HPSE2: variants seen among roughly 807,000 people sequenced by gnomAD.
HPSE2 encodes the protein inactive heparanase-2.
HPSE2 carries 38 observed loss-of-function variants against 60.5 expected under a neutral mutation model. The observed-to-expected ratio is 0.63, with a 90% CI of 0.48 to 0.82. The LOEUF (loss-of-function observed/expected upper bound fraction) is 0.82. Among genes scored for constraint, HPSE2 ranks in the 40% least tolerant of loss-of-function variants. The pLI, the probability that HPSE2 is intolerant of heterozygous loss-of-function variation, is 0.00. For synonymous variants in HPSE2, 295 were observed against 293.2 expected (o/e 1.01, Z -0.06); for missense variants, 713 against 740.4 (o/e 0.96, Z 0.43).
At chr10:98,882,716 T>C (rs1590004615) in intron 3 of HPSE2, among the ~76,000 whole-genome samples, 1 of 152,210 alleles carries the variant, frequency 6.6e-6, no homozygotes, top group Middle Eastern at 3.4e-3. Context: ...CCCAGCATAG[T>C]GGCAAAGAGG....
At chr10:99,235,488 T>A (rs1418495780) in intron 1 of HPSE2, 25 bp downstream of exon 1, 3 of 1,613,196 alleles carry the variant, frequency 1.9e-6, no homozygotes. Flanking sequence ...AAATTTTAAA[T>A]GATCCATCGA....
intron 2 of HPSE2, among the ~76,000 whole-genome samples, chr10:99,160,741 T>C (rs1426622861): frequency 6.7e-6 from 1 of 149,866 alleles, no homozygotes; most frequent in Non-Finnish European, 1.5e-5. Flanking sequence ...CTACTAAAAA[T>C]ACAAAAAATT....
intron 3 of HPSE2, among the ~76,000 whole-genome samples, chr10:99,065,234 A>G (rs541413637): frequency 1.3e-5 from 2 of 152,230 alleles, no homozygotes; most frequent in South Asian, 4.2e-4. Flanking sequence ...ATCATGAAAA[A>G]CTGTGTTAAG....
In HPSE2 at chr10:99,082,608, A is replaced by G. The variant is rs545427040; in HGVS notation, c.610+61630T>C. Reference sequence around the variant, plus strand: ...AAATGTCAACAGAAAAAGTAGAAGAAAGAGAAATTTTTCACTAGAACGTTG... The same window carrying G: ...AAATGTCAACAGAAAAAGTAGAAGAGAGAGAAATTTTTCACTAGAACGTTG... On this transcript the variant is annotated intron_variant, in intron 3 of 11. Transcript: ENST00000370552. 3.1e-4 allele frequency among the ~76,000 whole-genome samples: 47 copies of G among 152,332 alleles called. 1 individual carries two copies. The highest frequency in any genetic ancestry group is 3.4e-3 in the Middle Eastern group (1 of 294).
intron 3 of HPSE2, among the ~76,000 whole-genome samples, chr10:98,977,580 C>T (rs918293381): frequency 2.6e-5 from 4 of 152,086 alleles, no homozygotes; most frequent in African/African-American, 9.7e-5. Context: ...CCAGATTTAA[C>T]AGTGGTAGAG....
intron 3 of HPSE2, among the ~76,000 whole-genome samples, chr10:99,137,613 T>C (rs1845709637): frequency 6.6e-6 from 1 of 152,156 alleles, no homozygotes; most frequent in South Asian, 2.1e-4. Context: ...ATCTGATCTT[T>C]AACAAACCTG....
At chr10:99,231,048 C>T (rs576472731) in intron 2 of HPSE2, among the ~76,000 whole-genome samples, 1 of 152,108 alleles carries the variant, frequency 6.6e-6, no homozygotes, top group Non-Finnish European at 1.5e-5. Context: ...AAGATATAGC[C>T]TTAAACACCT....
intron 3 of HPSE2, among the ~76,000 whole-genome samples, chr10:98,958,111 G>A (rs1955555034): frequency 6.6e-6 from 1 of 152,112 alleles, no homozygotes; most frequent in African/African-American, 2.4e-5. Flanking sequence ...ATTCCCAAGA[G>A]ATTAGTAGGA....
intron 3 of HPSE2, among the ~76,000 whole-genome samples, chr10:98,984,856 G>C (rs1409544862): frequency 6.6e-6 from 1 of 152,222 alleles, no homozygotes; most frequent in Non-Finnish European, 1.5e-5. Context: ...ACAAGCGTCA[G>C]TAGCCAATTC....
At chr10:98,774,501 C>T (rs995641462) in intron 3 of HPSE2, among the ~76,000 whole-genome samples, 2 of 152,158 alleles carry the variant, frequency 1.3e-5, no homozygotes, top group African/African-American at 4.8e-5. Flanking sequence ...AAACCTAAGT[C>T]AGCTGCACAA....
At chr10:98,916,488 A>G (rs1351586616) in intron 3 of HPSE2, among the ~76,000 whole-genome samples, 1 of 152,226 alleles carries the variant, frequency 6.6e-6, no homozygotes, top group Non-Finnish European at 1.5e-5. Flanking sequence ...TACCAGGAAC[A>G]CATTTCTCAC....
At chr10:98,894,163 ACACTCAAAT>A (rs1320640656) in intron 3 of HPSE2, among the ~76,000 whole-genome samples, 4 of 152,210 alleles carry the variant, frequency 2.6e-5, no homozygotes, top group Admixed American at 2.0e-4. Context: ...TGGCAAAACA[ACACTCAAAT>A]AATCTTTGAA....
At chr10:99,048,729 G>T (rs190706135) in intron 3 of HPSE2, among the ~76,000 whole-genome samples, 125 of 152,156 alleles carry the variant, frequency 8.2e-4, no homozygotes, top group Middle Eastern at 3.4e-3. Context: ...CCATTACTAG[G>T]TATATACCCA....
intron 3 of HPSE2, among the ~76,000 whole-genome samples, chr10:98,830,478 A>G (rs779728948): frequency 4.6e-5 from 7 of 152,176 alleles, no homozygotes; most frequent in Non-Finnish European, 4.4e-5. Context: ...AAAAGGCTTC[A>G]ATCTGCAAAC....
chr10:98,555,530 C>T (rs1254591407), intron 9 of HPSE2, among the ~76,000 whole-genome samples: 1 of 152,192 alleles, frequency 6.6e-6, no homozygotes, highest in Non-Finnish European at 1.5e-5. Flanking sequence ...TTCGTTTGTC[C>T]ATTAACACCT....
intron 5 of HPSE2, among the ~76,000 whole-genome samples, chr10:98,702,736 A>G (rs1948444243): frequency 6.6e-6 from 1 of 152,200 alleles, no homozygotes; most frequent in African/African-American, 2.4e-5. Context: ...TTTTAAACCA[A>G]TGAAAACAGA....
At chr10:98,482,582 C>G (rs1291995931) in intron 11 of HPSE2, 54 bp downstream of exon 11, 16 of 1,610,288 alleles carry the variant, frequency 9.9e-6, no homozygotes, top group Non-Finnish European at 1.4e-5. Flanking sequence ...CAGCCTCCCC[C>G]TCCCTCAGCT....
rs137878399 is a variant in HPSE2, at chr10:98,891,707, C to T, written c.611-147651G>A. ...CTGGCCTCAAGTGATCCTCCCAGCT[C>T]GGCCCCTCAAAGCATTGAGATTACA... On this transcript the variant is annotated intron_variant, in intron 3 of 11. Transcript: ENST00000370552. 8.1e-3 allele frequency among the ~76,000 whole-genome samples: 1,226 copies of T among 152,226 alleles called. 14 individuals carry two copies. The highest frequency in any genetic ancestry group is 0.027 in the African/African-American group (1,129 of 41,538).
intron 4 of HPSE2, among the ~76,000 whole-genome samples, chr10:98,733,934 G>A (rs112912637): frequency 3.3e-5 from 5 of 152,246 alleles, no homozygotes; most frequent in African/African-American, 1.2e-4. Context: ...ACACAGTTGT[G>A]CAACCATCAC....
Sources: gnomAD v4.1 joint callset for allele counts (sites outside exome capture counted in the v4.1 genomes callset) on GRCh38, gnomAD v4.1.1 for gene constraint, MANE v1.5 for transcripts, NCBI Gene and HGNC (gene_info 2026-07-23, HGNC 2026-07-21) for gene names.